The following TMEM117 variants were observed in gnomAD, a reference collection of about 807,000 sequenced individuals.
TMEM117 encodes transmembrane protein 117.
A neutral mutation model predicts 52.4 loss-of-function variants in TMEM117; 27 were observed. That is an observed-to-expected ratio of 0.51 (90% CI 0.38 to 0.71). TMEM117 has a LOEUF of 0.71. Ranked by LOEUF, TMEM117 falls within the 30% of genes least tolerant of loss-of-function variation. The probability of loss-of-function intolerance (pLI) is 0.00; values close to 1 mark genes in which losing one functional copy is unlikely to be tolerated. For synonymous variants in TMEM117, 215 were observed against 206.3 expected, an observed-to-expected ratio of 1.04 and a Z score of -0.36; for missense variants, 556 against 630.5, an observed-to-expected ratio of 0.88 and a Z score of 1.26.
intron 5 of TMEM117, among the ~76,000 whole-genome samples, chr12:44,254,079 A>C (rs1950228651): frequency 6.6e-6 from 1 of 151,926 alleles, no homozygotes; most frequent in Non-Finnish European, 1.5e-5. Context: ...CTGTGAAGCA[A>C]AAAATAAAAA....
chr12:44,377,973 C>A (rs537500022), intron 7 of TMEM117, among the ~76,000 whole-genome samples: 5 of 152,260 alleles, frequency 3.3e-5, no homozygotes, highest in African/African-American at 1.2e-4. Context: ...CTATTAAATT[C>A]ACTGGGTAAA....
At chr12:44,216,513 A>T (rs1271933041) in intron 5 of TMEM117, among the ~76,000 whole-genome samples, 1 of 152,222 alleles carries the variant, frequency 6.6e-6, no homozygotes, top group Non-Finnish European at 1.5e-5. Flanking sequence ...ACAAAAAGTC[A>T]TCCCTAGAAA....
the TMEM117 span, chr12:43,805,546 C>A: frequency 2.2e-6 from 1 of 458,654 alleles, no homozygotes; most frequent in Non-Finnish European, 4.4e-6. Flanking sequence ...CAATTTCAAA[C>A]CAGGAAATAA....
At chr12:44,029,154 G>A (rs1335373802) in intron 3 of TMEM117, among the ~76,000 whole-genome samples, 1 of 152,134 alleles carries the variant, frequency 6.6e-6, no homozygotes, top group Non-Finnish European at 1.5e-5. Context: ...AAAAGGCAAG[G>A]ATGCTTGACT....
intron 2 of TMEM117, among the ~76,000 whole-genome samples, chr12:43,940,701 C>T (rs901008895): frequency 6.6e-6 from 1 of 152,080 alleles, no homozygotes; most frequent in Non-Finnish European, 1.5e-5. Context: ...ACCACCACGC[C>T]TGGCTAATAT....
intron 2 of TMEM117, among the ~76,000 whole-genome samples, chr12:43,933,763 G>T (rs916444296): frequency 6.6e-6 from 1 of 151,920 alleles, no homozygotes; most frequent in African/African-American, 2.4e-5. Context: ...GGGTTTCACT[G>T]TGTTGGCCAG....
At chr12:43,840,963 G>A (rs956850911) in intron 1 of TMEM117, among the ~76,000 whole-genome samples, 1 of 152,050 alleles carries the variant, frequency 6.6e-6, no homozygotes, top group African/African-American at 2.4e-5. Context: ...TTGGTTCTCT[G>A]GATAATATTG....
At chr12:44,194,657 C>A (rs548269114) in intron 4 of TMEM117, among the ~76,000 whole-genome samples, 2 of 152,140 alleles carry the variant, frequency 1.3e-5, no homozygotes, top group Non-Finnish European at 1.5e-5. Context: ...GAAACCCTGT[C>A]TCTACAAAAG....
chr12:43,969,677 A>C (rs1945549948), intron 3 of TMEM117, among the ~76,000 whole-genome samples: 1 of 152,112 alleles, frequency 6.6e-6, no homozygotes, highest in African/African-American at 2.4e-5. Flanking sequence ...TGCCTGTCTC[A>C]CAGTCTTGGT....
chr12:43,896,049 CT>C (rs1260354708), intron 2 of TMEM117, among the ~76,000 whole-genome samples: 2 of 152,204 alleles, frequency 1.3e-5, no homozygotes, highest in Admixed American at 6.5e-5. Context: ...AGTCCTCTGA[CT>C]CAAATGTCAG....
At chr12:44,136,737 C>T (rs912570893) in intron 3 of TMEM117, among the ~76,000 whole-genome samples, 10 of 151,928 alleles carry the variant, frequency 6.6e-5, no homozygotes, top group South Asian at 4.1e-4. Flanking sequence ...ATTCAACTGA[C>T]GTTCGAAGTA....
chr12:44,114,601 T>C (rs1288980499), intron 3 of TMEM117, among the ~76,000 whole-genome samples: 3 of 152,174 alleles, frequency 2.0e-5, no homozygotes, highest in Non-Finnish European at 4.4e-5. Context: ...TCTGAAAAAG[T>C]AATTTATTCT....
intron 3 of TMEM117, among the ~76,000 whole-genome samples, chr12:44,114,359 A>G (rs186565088): frequency 1.6e-4 from 24 of 152,340 alleles, no homozygotes; most frequent in African/African-American, 5.5e-4. Flanking sequence ...ATGGAAATAA[A>G]ACGATTTTAT....
At chr12:43,837,450 G>T (rs1943050595) in intron 1 of TMEM117, among the ~76,000 whole-genome samples, 1 of 152,060 alleles carries the variant, frequency 6.6e-6, no homozygotes, top group Non-Finnish European at 1.5e-5. Flanking sequence ...GGGTTCAAGG[G>T]ATTCTCCTGC....
chr12:43,939,404 A>G (rs1014964108), intron 2 of TMEM117, among the ~76,000 whole-genome samples: 13 of 152,136 alleles, frequency 8.5e-5, no homozygotes, highest in African/African-American at 3.1e-4. Flanking sequence ...CTTATGTGTA[A>G]TGCCATACTT....
chr12:43,816,620 C>T, the TMEM117 span, among the ~76,000 whole-genome samples: 2 of 152,210 alleles, frequency 1.3e-5, no homozygotes, highest in Non-Finnish European at 2.9e-5. Flanking sequence ...TTTTGATAGG[C>T]CCTGCATTTG....
chr12:44,003,553 G>A (rs1946148199), intron 3 of TMEM117, among the ~76,000 whole-genome samples: 2 of 152,114 alleles, frequency 1.3e-5, no homozygotes, highest in Non-Finnish European at 2.9e-5. Context: ...CTCACACTTG[G>A]TTCAGGTCTT....
intron 4 of TMEM117, among the ~76,000 whole-genome samples, chr12:44,166,022 T>C (rs183583128): frequency 1.1e-4 from 16 of 152,336 alleles, no homozygotes; most frequent in African/African-American, 7.2e-5. Flanking sequence ...TCATGTCAAC[T>C]ATCTTCTTGG....
intron 3 of TMEM117, among the ~76,000 whole-genome samples, chr12:44,027,604 ATAC>A (rs1946563237): frequency 6.6e-6 from 1 of 152,208 alleles, no homozygotes; most frequent in African/African-American, 2.4e-5. Context: ...TTTATGAGGA[ATAC>A]TACATGAGAG....
Sources: allele counts gnomAD v4.1 joint callset (sites outside exome capture counted in the v4.1 genomes callset), GRCh38; gene constraint gnomAD v4.1.1; transcripts MANE v1.5; gene names NCBI Gene and HGNC (gene_info 2026-07-23, HGNC 2026-07-21).